SIMC1: variants seen among roughly 807,000 people sequenced by gnomAD.
SIMC1 encodes SUMO interacting motifs containing 1.
SIMC1 carries 55 observed loss-of-function variants against 82.3 expected under a neutral mutation model. The observed-to-expected ratio is 0.67, with a 90% CI of 0.54 to 0.84. The LOEUF (loss-of-function observed/expected upper bound fraction) is 0.84, where lower values mean the gene tolerates loss of function less well. Ranked by LOEUF, SIMC1 falls within the 40% of genes least tolerant of loss-of-function variation. SIMC1 has a pLI of 0.00. For missense variants in SIMC1, 915 were observed against 1,107.2 expected (o/e 0.83, Z 2.46); for synonymous variants, 353 against 426.3 (o/e 0.83, Z 2.12).
intron 1 of SIMC1, among the ~76,000 whole-genome samples, chr5:176,273,638 A>C (rs183753935): frequency 6.6e-6 from 1 of 152,132 alleles, no homozygotes; most frequent in African/African-American, 2.4e-5. Context: ...ATATCTCCCA[A>C]TGCTATCCCT....
At chr5:176,324,793 A>T (rs758101800) in intron 7 of SIMC1, 36 bp downstream of exon 7, 7 of 1,424,188 alleles carry the variant, frequency 4.9e-6, no homozygotes, top group Middle Eastern at 1.9e-4. Flanking sequence ...GCAGTTATTT[A>T]AAAAAAAAAC....
In SIMC1 at chr5:176,294,734, A is replaced by G. The variant is rs190491418; in HGVS notation, c.1432-296A>G. 3.7e-3 allele frequency among the ~76,000 whole-genome samples: 557 copies of G among 151,974 alleles called. 3 individuals carry two copies. Among genetic ancestry groups the G allele is most frequent in the African/African-American group, 0.013 (529 of 41,502 alleles). On this transcript the variant is annotated intron_variant, in intron 2 of 9. Coordinates refer to ENST00000429602, the MANE Select transcript of SIMC1 (RefSeq NM_001308195.2). ...TCCCAGCACTTTGGGAGGCTGAGAC[A>G]GGCAAATCACGAGGTCAGGAGATTG...
intron 5 of SIMC1, among the ~76,000 whole-genome samples, chr5:176,316,953 A>G (rs758318435): frequency 1.3e-5 from 2 of 151,946 alleles, no homozygotes; most frequent in African/African-American, 4.8e-5. Flanking sequence ...CACCACTGCA[A>G]TTCAGCCTGG....
chr5:176,313,899 C>T (rs1255710101), intron 5 of SIMC1, 54 bp downstream of exon 5: 5 of 1,602,136 alleles, frequency 3.1e-6, no homozygotes, highest in Admixed American at 1.7e-5. Context: ...TATAGGTGGG[C>T]AGCTGCTGAA....
rs1198304913 is a variant in SIMC1, at chr5:176,279,360, C to T, written c.130-10294C>T. On this transcript the variant is annotated intron_variant, in intron 1 of 9. Coordinates refer to ENST00000429602, the MANE Select transcript of SIMC1 (RefSeq NM_001308195.2). ...TTTATTGCGTCTATTTGATTCTTCT[C>T]TCTTTTTTTCTTTATTAGTCTTGCT... is the stretch of plus-strand genomic sequence containing the variant. Among the ~76,000 whole-genome samples, 4 of 152,082 alleles carry T rather than the reference C, an allele frequency of 2.6e-5. No homozygotes were observed. The South Asian group carries it at 6.2e-4, about 24-fold the overall frequency.
intron 9 of SIMC1, among the ~76,000 whole-genome samples, chr5:176,343,048 T>G (rs1766220869): frequency 6.6e-6 from 1 of 152,214 alleles, no homozygotes; most frequent in Non-Finnish European, 1.5e-5. Flanking sequence ...GTTTCCAGAC[T>G]TTTTGAACAT....
chr5:176,243,861 G>T (rs545434188), intron 1 of SIMC1, among the ~76,000 whole-genome samples: 151 of 148,446 alleles, frequency 1.0e-3, no homozygotes, highest in African/African-American at 3.7e-3. Context: ...ACTGTGAAAA[G>T]AAAAGATGGT....
chr5:176,254,954 T>G (rs1210220216), intron 1 of SIMC1, among the ~76,000 whole-genome samples: 1 of 152,004 alleles, frequency 6.6e-6, no homozygotes, highest in Non-Finnish European at 1.5e-5. Context: ...AAGAAAAGGT[T>G]TCCTTAAAGC....
At chr5:176,276,557 A>G (rs1762709872) in intron 1 of SIMC1, among the ~76,000 whole-genome samples, 1 of 145,750 alleles carries the variant, frequency 6.9e-6, no homozygotes, top group South Asian at 2.2e-4. Context: ...CTAACTCATC[A>G]TCTAGCATTA....
intron 1 of SIMC1, among the ~76,000 whole-genome samples, chr5:176,257,650 T>C (rs1761889744): frequency 1.3e-5 from 2 of 152,216 alleles, no homozygotes; most frequent in Non-Finnish European, 2.9e-5. Flanking sequence ...CCTTGGGGAT[T>C]ACAATTCAAC....
In SIMC1 at chr5:176,298,945, A is replaced by G. The variant is rs562268165; in HGVS notation, c.1734+2625A>G. On this transcript the variant is annotated intron_variant, in intron 4 of 9. Coordinates refer to ENST00000429602, the MANE Select transcript of SIMC1 (RefSeq NM_001308195.2). ...CTACAAGACGTATAGGAAATAATTA[A>G]TATGGCCATAGTAAGTTCTTCCCTG... Among the ~76,000 whole-genome samples, 10 of 152,366 alleles carry G rather than the reference A, an allele frequency of 6.6e-5. No individual in the cohort carries two copies. In the East Asian group the frequency reaches 1.9e-3, roughly 29 times the overall value.
chr5:176,326,587 CAG>C (rs1765403845), intron 7 of SIMC1, among the ~76,000 whole-genome samples: 1 of 151,818 alleles, frequency 6.6e-6, no homozygotes, highest in Non-Finnish European at 1.5e-5. Flanking sequence ...TGTTTTGAGG[CAG>C]AGTCTCACTC....
intron 2 of SIMC1, among the ~76,000 whole-genome samples, chr5:176,292,741 A>G (rs2113271859): frequency 6.6e-6 from 1 of 152,180 alleles, no homozygotes; most frequent in Admixed American, 6.5e-5. Flanking sequence ...GGGTTTCACC[A>G]TGTTGTCCAG....
intron 1 of SIMC1, among the ~76,000 whole-genome samples, chr5:176,279,080 T>C (rs149533417): frequency 0.12 from 17,756 of 152,276 alleles, 1,078 homozygotes; most frequent in Admixed American, 0.15. Context: ...CATCTGGTCC[T>C]GGACTCTTTT....
intron 4 of SIMC1, among the ~76,000 whole-genome samples, chr5:176,305,610 C>T (rs1486356455): frequency 2.8e-5 from 4 of 143,904 alleles, no homozygotes; most frequent in Non-Finnish European, 4.6e-5. Flanking sequence ...CGGCCAACCC[C>T]CCCGTCTGGG....
At chr5:176,327,171 T>A (rs1765430241) in intron 7 of SIMC1, among the ~76,000 whole-genome samples, 1 of 152,230 alleles carries the variant, frequency 6.6e-6, no homozygotes, top group South Asian at 2.1e-4. Flanking sequence ...AAAAAAAAAT[T>A]AGGAATTAAA....
intron 7 of SIMC1, among the ~76,000 whole-genome samples, chr5:176,335,054 G>A (rs140742634): frequency 0.06 from 9,117 of 151,328 alleles, 386 homozygotes; most frequent in Admixed American, 0.099. Context: ...CTGAGATCAG[G>A]CCACTTCACT....
At chr5:176,273,852 G>T (rs1762558635) in intron 1 of SIMC1, among the ~76,000 whole-genome samples, 1 of 152,032 alleles carries the variant, frequency 6.6e-6, no homozygotes, top group Non-Finnish European at 1.5e-5. Context: ...TTTTATGGCT[G>T]CATAGTATTC....
rs890324838 is a variant in SIMC1, at chr5:176,263,640, G to A, written c.129+25003G>A. The A allele has an allele frequency of 4.4e-6, 5 of 1,142,520 alleles. No homozygotes were observed. In the South Asian group the frequency reaches 9.5e-5, roughly 22 times the overall value. The allele number at this position is 1,142,520 out of a possible 1,614,324, so 70.8% of individuals were successfully genotyped here. Reference sequence around the variant, plus strand: ...GGGATCTGTCCCCATGATTCCACCAGGTCCTACCTCCAACATTGGGGATCA... The same window carrying A: ...GGGATCTGTCCCCATGATTCCACCAAGTCCTACCTCCAACATTGGGGATCA... On this transcript the variant is annotated intron_variant, in intron 1 of 9. Coordinates refer to ENST00000429602, the MANE Select transcript of SIMC1 (RefSeq NM_001308195.2).
Sources: gnomAD v4.1 joint callset for allele counts (sites outside exome capture counted in the v4.1 genomes callset) on GRCh38, gnomAD v4.1.1 for gene constraint, MANE v1.5 for transcripts, NCBI Gene and HGNC (gene_info 2026-07-23, HGNC 2026-07-21) for gene names.